Variants in ABI3BP observed in about 807,000 individuals in gnomAD.
The protein encoded by ABI3BP is target of Nesh-SH3.
Under a neutral mutation model 268.6 loss-of-function variants are expected in ABI3BP, and 216 were observed. The observed-to-expected ratio is 0.80, with a 90% CI of 0.72 to 0.90. ABI3BP has a LOEUF of 0.90. ABI3BP is among the 40% of genes least tolerant of loss of function. The pLI is 0.00. For missense variants in ABI3BP, 2,090 were observed against 2,182.4 expected, an observed-to-expected ratio of 0.96 and a Z score of 0.84; for synonymous variants, 730 against 730.0, an observed-to-expected ratio of 1.00 and a Z score of 0.00.
intron 1 of ABI3BP, among the ~76,000 whole-genome samples, chr3:100,947,833 T>C (rs1404883180): frequency 6.6e-6 from 1 of 151,758 alleles, no homozygotes; most frequent in East Asian, 1.9e-4. Context: ...TAGCAGGAAA[T>C]AGACCCAAGG....
At chr3:100,835,156 A>C (rs1353505866) in intron 28 of ABI3BP, among the ~76,000 whole-genome samples, 1 of 152,204 alleles carries the variant, frequency 6.6e-6, no homozygotes, top group Non-Finnish European at 1.5e-5. Context: ...ACATTCCATT[A>C]CAAGTTATTA....
At chr3:100,904,795 A>G (rs192459690) in intron 2 of ABI3BP, among the ~76,000 whole-genome samples, 50 of 152,296 alleles carry the variant, frequency 3.3e-4, no homozygotes, top group African/African-American at 1.2e-3. Context: ...AAATAGGAAC[A>G]CTTTTACACT....
At chr3:100,755,590 T>A (rs1460984088) in intron 63 of ABI3BP, among the ~76,000 whole-genome samples, 1 of 152,266 alleles carries the variant, frequency 6.6e-6, no homozygotes, top group Non-Finnish European at 1.5e-5. Flanking sequence ...CTTGGAATTA[T>A]AAGTTCCGTT....
chr3:100,936,667 G>A (rs181661786), intron 1 of ABI3BP, among the ~76,000 whole-genome samples: 72 of 152,024 alleles, frequency 4.7e-4, no homozygotes, highest in Non-Finnish European at 9.9e-4. Context: ...CTTGTTATTG[G>A]TCTATTCAGG....
Position 100,795,848 on chromosome 3 carries a change from A to C in ABI3BP, c.3821T>G (p.Leu1274Arg). The stretch of plus-strand genomic sequence containing the variant: ...CTCAAATCTAAAGGTAACAGGCTGC[A>C]GAACTATGCCAAAAGCAAGCCAAAG... ...YPEVSQSEPV[L>R]QPVTFRFEPP... is the part of the protein sequence containing the mutation. Residue 1274 changes from leucine to arginine, a missense_variant, in exon 53 of 68, where the codon CTG becomes CGG. By Grantham distance (102) the Leu-to-Arg change is moderately radical (BLOSUM62 -2). Transcript: ENST00000471714. The C allele has an allele frequency of 1.6e-6, 2 of 1,286,868 alleles. No homozygotes were observed. The highest frequency in any genetic ancestry group is 2.1e-4 in the Middle Eastern group (1 of 4,690). 79.7% of individuals were successfully genotyped at this position (1,286,868 alleles called of 1,614,324 possible).
At chr3:100,824,156 A>G (rs1290342895) in intron 36 of ABI3BP, among the ~76,000 whole-genome samples, 2 of 152,160 alleles carry the variant, frequency 1.3e-5, no homozygotes, top group East Asian at 3.8e-4. Flanking sequence ...AAGCTTCTGA[A>G]TCAGGTCCTC....
intron 1 of ABI3BP, among the ~76,000 whole-genome samples, chr3:100,992,324 G>A (rs973327966): frequency 6.6e-6 from 1 of 152,208 alleles, no homozygotes; most frequent in Non-Finnish European, 1.5e-5. Context: ...ACTACCCAGA[G>A]AGAGGACCTA....
In ABI3BP at chr3:100,789,457, G is replaced by T; in HGVS notation, c.4084C>A (p.Pro1362Thr). The change falls in exon 56 of 68, where the codon CCT becomes ACT. Residue 1362 changes from proline to threonine, a missense_variant. By Grantham distance (38) the Pro-to-Thr change is conservative. Transcript: ENST00000471714. ...AGTCATCAGAGAAACAACTTACCAGGTCTGATGTGTGGCTTGTCAGATGTT... is the reference window on the plus strand; with the variant it reads ...AGTCATCAGAGAAACAACTTACCAGTTCTGATGTGTGGCTTGTCAGATGTT... ...PRTSDKPHIR[P>T]VLNRTTTRPT... 6.3e-7 allele frequency: 1 copy of T among 1,599,910 alleles called. No homozygotes were observed. The highest frequency in any genetic ancestry group is 8.5e-7 in the Non-Finnish European group (1 of 1,172,642).
chr3:100,874,945 T>G lies in ABI3BP; in HGVS notation c.818-12A>C. On this transcript the variant is annotated splice_polypyrimidine_tract_variant and intron_variant, in intron 8 of 67. Coordinates refer to ENST00000471714, the MANE Select transcript of ABI3BP (RefSeq NM_001375547.2). ...AATAATAAGGTGGACTGCAAGGAAATAGATGTAAATAAGATAAGGGGAAGA... is the reference window on the plus strand; with the variant it reads ...AATAATAAGGTGGACTGCAAGGAAAGAGATGTAAATAAGATAAGGGGAAGA... 1 of 1,488,290 alleles carries G rather than the reference T, an allele frequency of 6.7e-7. No individual in the cohort carries two copies. Among genetic ancestry groups the G allele is most frequent in the Non-Finnish European group, 9.3e-7 (1 of 1,079,634 alleles). The allele number at this position is 1,488,290 out of a possible 1,614,324, so 92.2% of individuals were successfully genotyped here. A position where few individuals can be genotyped will look rare whatever the true frequency, so the allele number is the denominator to read the frequency against.
chr3:100,960,969 C>T (rs2078891168), intron 1 of ABI3BP, among the ~76,000 whole-genome samples: 1 of 152,144 alleles, frequency 6.6e-6, no homozygotes, highest in Admixed American at 6.5e-5. Context: ...CTAGCAAAGC[C>T]CACCCAGACT....
intron 30 of ABI3BP, among the ~76,000 whole-genome samples, chr3:100,832,871 G>T (rs549702723): frequency 1.3e-5 from 2 of 152,292 alleles, no homozygotes; most frequent in East Asian, 3.9e-4. Flanking sequence ...ATGGGGAATT[G>T]TAGTTGGATC....
intron 63 of ABI3BP, among the ~76,000 whole-genome samples, chr3:100,760,097 G>A (rs2095856326): frequency 6.6e-6 from 1 of 152,130 alleles, no homozygotes; most frequent in East Asian, 1.9e-4. Flanking sequence ...CATCATTGCT[G>A]CCAGCTATAG....
At chr3:100,781,662 C>T (rs188949362) in intron 57 of ABI3BP, among the ~76,000 whole-genome samples, 104 of 152,226 alleles carry the variant, frequency 6.8e-4, no homozygotes, top group Non-Finnish European at 1.3e-3. Context: ...TGGTTTACCA[C>T]GATTTCTCCA....
At chr3:100,819,230 G>A (rs1425971420) in intron 40 of ABI3BP, among the ~76,000 whole-genome samples, 1 of 152,132 alleles carries the variant, frequency 6.6e-6, no homozygotes, top group African/African-American at 2.4e-5. Flanking sequence ...TCACTACTTA[G>A]AAGCCGAATC....
At chr3:100,886,576 C>T (rs1295252858) in intron 4 of ABI3BP, among the ~76,000 whole-genome samples, 1 of 151,868 alleles carries the variant, frequency 6.6e-6, no homozygotes, top group Non-Finnish European at 1.5e-5. Context: ...CCAGAATTCT[C>T]GTTCTATTAT....
intron 1 of ABI3BP, among the ~76,000 whole-genome samples, chr3:100,967,408 G>A (rs1227098999): frequency 6.6e-6 from 1 of 151,764 alleles, no homozygotes; most frequent in East Asian, 1.9e-4. Context: ...GGAGGCTGAG[G>A]CAGAAGAATC....
rs575135417 is a variant in ABI3BP, at chr3:100,862,185, A to G, written c.1285+126T>C. On this transcript the variant is annotated intron_variant, in intron 14 of 67. Transcript: ENST00000471714. ...AAATGAGGTTCATCTCAGTATCAAC[A>G]AATGTATGATAGATTTTCCATTTAT... 2.5e-5 allele frequency: 18 copies of G among 715,446 alleles called. 1 individual carries two copies. In the South Asian group the frequency reaches 3.7e-4, roughly 15 times the overall value. 44.3% of individuals were successfully genotyped at this position (715,446 alleles called of 1,614,324 possible). A position where few individuals can be genotyped will look rare whatever the true frequency, so the allele number is the denominator to read the frequency against.
chr3:100,940,360 T>A (rs1055250095), intron 1 of ABI3BP, among the ~76,000 whole-genome samples: 2 of 152,018 alleles, frequency 1.3e-5, no homozygotes, highest in Non-Finnish European at 2.9e-5. Flanking sequence ...CAAATAAATG[T>A]CCATGAAATC....
In ABI3BP at chr3:100,829,644, T is replaced by C. The variant is rs1422011385; in HGVS notation, c.2479A>G (p.Thr827Ala). The C allele has an allele frequency of 1.4e-5, 22 of 1,535,570 alleles. No homozygotes were observed. Among genetic ancestry groups the C allele is most frequent in the Non-Finnish European group, 1.7e-5 (20 of 1,146,424 alleles). ...TTAAPKVPQR[T>A]HRPHPKPKTT... ...TTAGGTTTGGGATGTGGACGATGAG[T>C]TCGTTGAGGCACTTTGGGAGCTAAA... Residue 827 changes from threonine (T) to alanine (A), a missense_variant, in exon 33 of 68, where the codon ACT becomes GCT. Physicochemically the swap from Thr to Ala is moderately conservative, Grantham distance 58. Coordinates refer to ENST00000471714, the MANE Select transcript of ABI3BP (RefSeq NM_001375547.2).
Sources: allele counts gnomAD v4.1 joint callset (sites outside exome capture counted in the v4.1 genomes callset), GRCh38; gene constraint gnomAD v4.1.1; transcripts MANE v1.5; gene names NCBI Gene and HGNC (gene_info 2026-07-23, HGNC 2026-07-21).